CCDC88A: variants seen among roughly 807,000 people sequenced by gnomAD.
The protein encoded by CCDC88A is girdin.
CCDC88A carries 54 observed loss-of-function variants against 234.3 expected under a neutral mutation model. That is an observed-to-expected ratio of 0.23 (90% CI 0.19 to 0.29). The LOEUF (loss-of-function observed/expected upper bound fraction) is 0.29. Ranked by LOEUF, CCDC88A falls within the 10% of genes least tolerant of loss-of-function variation. CCDC88A has a pLI of 1.00. For missense variants in CCDC88A, 1,832 were observed against 2,123.4 expected (o/e 0.86, Z 2.70); for synonymous variants, 753 against 737.8 (o/e 1.02, Z -0.33).
chr2:55,353,970 C>T (rs924787361), intron 8 of CCDC88A, among the ~76,000 whole-genome samples: 2 of 152,106 alleles, frequency 1.3e-5, no homozygotes, highest in Admixed American at 1.3e-4. Flanking sequence ...TAATAGCCTA[C>T]TATATACCTA....
rs568935912 is a variant in CCDC88A at position 55,309,780 on chromosome 2, C to G, written c.4080-526G>C. Among the ~76,000 whole-genome samples, 2 of 152,134 alleles carry G rather than the reference C, an allele frequency of 1.3e-5. No individual in the cohort carries two copies. Among genetic ancestry groups the G allele is most frequent in the South Asian group, 4.1e-4 (2 of 4,832 alleles). On this transcript the variant is annotated intron_variant, in intron 23 of 32. Transcript: ENST00000436346. The surrounding 1 kb of genome is among the most constrained non-coding windows in gnomAD (Gnocchi z 5.1). ...CAAAGAATACTATTTACTTCAGAAACATTAGTGATCATTTACAATGAGGAA... is the reference window on the plus strand; with the variant it reads ...CAAAGAATACTATTTACTTCAGAAAGATTAGTGATCATTTACAATGAGGAA...
intron 5 of CCDC88A, among the ~76,000 whole-genome samples, chr2:55,366,977 A>T (rs1250860201): frequency 6.6e-6 from 1 of 152,260 alleles, no homozygotes; most frequent in Admixed American, 6.5e-5. Flanking sequence ...AACATTGTTT[A>T]CAAGGGCCAA....
At chr2:55,347,683 C>T (rs1298210194) in intron 9 of CCDC88A, among the ~76,000 whole-genome samples, 2 of 138,538 alleles carry the variant, frequency 1.4e-5, no homozygotes, top group African/African-American at 2.7e-5. Flanking sequence ...ACAATCTCAA[C>T]TCACTGCAAC....
At chr2:55,306,673 C>T (rs1681610405) in intron 25 of CCDC88A, among the ~76,000 whole-genome samples, 1 of 152,120 alleles carries the variant, frequency 6.6e-6, no homozygotes, top group South Asian at 2.1e-4. Flanking sequence ...GCTATCTTCA[C>T]CTTCCAGGTT....
intron 16 of CCDC88A, among the ~76,000 whole-genome samples, chr2:55,331,006 A>G (rs1022665226): frequency 2.0e-5 from 3 of 152,336 alleles, no homozygotes; most frequent in Non-Finnish European, 2.9e-5. Context: ...AGATAAGAAG[A>G]GCTCAATTAA....
chr2:55,396,869 CAAAAAA>C (rs34500780), intron 2 of CCDC88A, among the ~76,000 whole-genome samples: 10 of 58,872 alleles, frequency 1.7e-4, no homozygotes, highest in Non-Finnish European at 3.0e-4. Context: ...GACTCCATCT[CAAAAAA>C]AAAAAAAAAA....
At chr2:55,319,905 A>G (rs1049244773) in intron 18 of CCDC88A, among the ~76,000 whole-genome samples, 1 of 152,206 alleles carries the variant, frequency 6.6e-6, no homozygotes, top group African/African-American at 2.4e-5. Context: ...GTATGCATAA[A>G]AAGTTAACAA....
At chr2:55,379,812 C>T (rs1418358755) in intron 3 of CCDC88A, among the ~76,000 whole-genome samples, 4 of 152,050 alleles carry the variant, frequency 2.6e-5, no homozygotes, top group Non-Finnish European at 5.9e-5. Context: ...ACTCAGGAGG[C>T]TGAGGCAGGA....
chr2:55,355,699 G>C lies in CCDC88A; in HGVS notation c.680C>G (p.Ala227Gly). The C allele has an allele frequency of 6.2e-7, 1 of 1,613,860 alleles. No individual in the cohort carries two copies. ...ACAGGGTGACTGTGCAGATGAAGAG[G>C]CATGGGGTAGAAAATGGAGACCATC... The part of the protein sequence containing the change: ...ERDGLHFLPH[A>G]SSSAQSPCGS... The change falls in exon 8 of 33, where the codon GCC becomes GGC. Residue 227 changes from alanine to glycine, a missense_variant. Coordinates refer to ENST00000436346, the MANE Select transcript of CCDC88A (RefSeq NM_001365480.1).
chr2:55,352,507 G>C (rs554290862), intron 8 of CCDC88A, among the ~76,000 whole-genome samples: 1 of 151,626 alleles, frequency 6.6e-6, no homozygotes, highest in East Asian at 1.9e-4. Flanking sequence ...TAAACTCTAT[G>C]AAAAAAACCA....
At chr2:55,388,513 C>G (rs1425647506) in intron 3 of CCDC88A, 1 of 195,170 alleles carries the variant, frequency 5.1e-6, no homozygotes, top group African/African-American at 2.3e-5. Flanking sequence ...AAATGTTACA[C>G]TATGCAAGTT....
chr2:55,351,913 A>G (rs950064947), intron 8 of CCDC88A, among the ~76,000 whole-genome samples: 2 of 152,224 alleles, frequency 1.3e-5, no homozygotes, highest in Admixed American at 1.3e-4. Context: ...GTATTGATAC[A>G]TGCTACAACA....
chr2:55,413,975 A>C (rs1412708826), intron 2 of CCDC88A, among the ~76,000 whole-genome samples: 1 of 152,018 alleles, frequency 6.6e-6, no homozygotes, highest in African/African-American at 2.4e-5. Context: ...AAACAAAAAA[A>C]AAAAACAAGC....
chr2:55,307,476 C>G (rs920966372), intron 25 of CCDC88A, among the ~76,000 whole-genome samples: 1 of 151,658 alleles, frequency 6.6e-6, no homozygotes, highest in Non-Finnish European at 1.5e-5. Flanking sequence ...CTGCCTCAGC[C>G]TCCCAAGTAG....
In CCDC88A at chr2:55,312,441, G is replaced by C. The variant is rs955120833; in HGVS notation, c.4072C>G (p.Gln1358Glu). 2 of 1,611,846 alleles carry C rather than the reference G, an allele frequency of 1.2e-6. No homozygotes were observed. The highest frequency in any genetic ancestry group is 1.7e-6 in the Non-Finnish European group (2 of 1,179,052). Residue 1358 changes from glutamine to glutamate, a missense_variant, in exon 23 of 33, where the codon CAG becomes GAG. This residue lies in a region of CCDC88A where 1,282 missense variants were observed against 1,543.6 expected (regional missense o/e 0.83). Transcript: ENST00000436346. ...AAATTATTTGGTACCTACATGTACT[G>C]TCTTTGTTCAACATGAAAAAGATCC... ...SKDLFHVEQR[Q>E]YIDKLNELRR... is the part of the protein sequence containing the mutation.
At chr2:55,316,150 T>C (rs1019510127) in intron 21 of CCDC88A, 36 bp from the exon 22 acceptor site, 1 of 878,276 alleles carries the variant, frequency 1.1e-6, no homozygotes, top group Non-Finnish European at 1.7e-6. Context: ...AATTAGATTA[T>C]CTTAATAGCT....
chr2:55,392,723 C>T (rs1035950734), intron 2 of CCDC88A, among the ~76,000 whole-genome samples: 2 of 152,264 alleles, frequency 1.3e-5, no homozygotes, highest in African/African-American at 4.8e-5. Flanking sequence ...TCTTGAAGGT[C>T]CTCTTGAATT....
chr2:55,393,298 T>TTTTG (rs1553432712), intron 2 of CCDC88A, among the ~76,000 whole-genome samples: 2 of 129,586 alleles, frequency 1.5e-5, no homozygotes, highest in East Asian at 4.3e-4. Context: ...GGTTTTTTTT[T>TTTTG]TTTTTTTTTT....
intron 3 of CCDC88A, among the ~76,000 whole-genome samples, chr2:55,381,731 A>G (rs1574378727): frequency 6.6e-6 from 1 of 152,264 alleles, no homozygotes; most frequent in South Asian, 2.1e-4. Context: ...CCTTCTTCCA[A>G]GAAATTATCC....
Sources: allele counts gnomAD v4.1 joint callset (sites outside exome capture counted in the v4.1 genomes callset), GRCh38; gene constraint gnomAD v4.1.1; regional missense constraint gnomAD v4.1.1; non-coding constraint Gnocchi (gnomAD v3.1); transcripts MANE v1.5; gene names NCBI Gene and HGNC (gene_info 2026-07-23, HGNC 2026-07-21).